The following OLFM4 variants were observed in gnomAD, a reference collection of about 807,000 sequenced individuals.
OLFM4 encodes the protein olfactomedin 4, also known as olfactomedin-4.
Under a neutral mutation model 25.5 loss-of-function variants are expected in OLFM4, and 22 were observed. The observed-to-expected ratio is 0.86, with a 90% CI of 0.62 to 1.23. The LOEUF (loss-of-function observed/expected upper bound fraction) is 1.23, where lower values mean the gene tolerates loss of function less well. Ranked by LOEUF, OLFM4 falls within the 50% of genes most tolerant of loss-of-function variation. OLFM4 has a pLI of 0.00. For missense variants in OLFM4, 594 were observed against 619.4 expected (o/e 0.96, Z 0.44); for synonymous variants, 255 against 237.7 (o/e 1.07, Z -0.67).
rs1249121087 is a variant in OLFM4, at chr13:53,051,145, T to C, written c.*374T>C. 1 of 173,162 alleles carries C rather than the reference T, an allele frequency of 5.8e-6. No homozygotes were observed. The highest frequency in any genetic ancestry group is 2.4e-5 in the African/African-American group (1 of 42,058). 10.7% of individuals were successfully genotyped at this position (173,162 alleles called of 1,614,324 possible). ...TGTACAGGAAATATTGCCCAATGAC[T>C]AGTCCTCATCCATGTAGCACCACTA... On this transcript the variant is annotated 3_prime_UTR_variant, in exon 5 of 5. Transcript: ENST00000219022.
chr13:53,029,231 G>A (rs1354757045), intron 1 of OLFM4, among the ~76,000 whole-genome samples, 191 bp downstream of exon 1: 3 of 152,150 alleles, frequency 2.0e-5, no homozygotes, highest in Non-Finnish European at 4.4e-5. Context: ...CAAGAGAGAC[G>A]ATATCGCAGT....
chr13:53,034,708 AT>A (rs1954648683), intron 2 of OLFM4, among the ~76,000 whole-genome samples: 2 of 152,276 alleles, frequency 1.3e-5, no homozygotes, highest in African/African-American at 4.8e-5. Context: ...TGGGGTTCAA[AT>A]TGTTCACGCC....
intron 3 of OLFM4, 92 bp downstream of exon 3, chr13:53,042,214 T>G: frequency 2.6e-5 from 27 of 1,045,078 alleles, no homozygotes; most frequent in African/African-American, 3.2e-5. Flanking sequence ...AAACTATCTC[T>G]TCCAACTTCT....
At chr13:53,037,897 C>A (rs1954666859) in intron 2 of OLFM4, among the ~76,000 whole-genome samples, 1 of 152,202 alleles carries the variant, frequency 6.6e-6, no homozygotes, top group Admixed American at 6.5e-5. Context: ...CTTGCTAGCA[C>A]TACACCCTTA....
chr13:53,042,975 T>A, intron 3 of OLFM4, 130 bp from the exon 4 acceptor site: 1 of 679,498 alleles, frequency 1.5e-6, no homozygotes, highest in Non-Finnish European at 2.4e-6. Flanking sequence ...TTCTTCCAAA[T>A]GAAACCATTC....
intron 4 of OLFM4, among the ~76,000 whole-genome samples, chr13:53,044,288 C>T (rs1954703675): frequency 3.3e-5 from 5 of 152,130 alleles, no homozygotes; most frequent in Admixed American, 3.3e-4. Flanking sequence ...GCCTCTCAGC[C>T]ACAGTGTTCA....
chr13:53,036,092 GA>G (rs1381696915), intron 2 of OLFM4, among the ~76,000 whole-genome samples: 45 of 152,274 alleles, frequency 3.0e-4, no homozygotes, highest in African/African-American at 1.1e-3. Context: ...CAAAAATTAT[GA>G]TGAGGCTGAG....
At chr13:53,029,072 A>G in intron 1 of OLFM4, 32 bp downstream of exon 1, 2 of 1,610,406 alleles carry the variant, frequency 1.2e-6, no homozygotes, top group Non-Finnish European at 8.5e-7. Flanking sequence ...AATGAGCTGC[A>G]TTCATTCCCT....
At chr13:53,039,082 T>G (rs1434740899) in intron 2 of OLFM4, among the ~76,000 whole-genome samples, 3 of 152,186 alleles carry the variant, frequency 2.0e-5, no homozygotes, top group Non-Finnish European at 4.4e-5. Context: ...CCTTGCTTTT[T>G]TTTGTGAAAA....
intron 1 of OLFM4, 68 bp downstream of exon 1, chr13:53,029,108 A>C: frequency 6.3e-7 from 1 of 1,595,220 alleles, no homozygotes; most frequent in Non-Finnish European, 8.5e-7. Flanking sequence ...GTACCTGAAT[A>C]CAATTTCATG....
intron 4 of OLFM4, among the ~76,000 whole-genome samples, chr13:53,043,530 C>T (rs1223514207): frequency 1.3e-5 from 2 of 152,122 alleles, no homozygotes; most frequent in African/African-American, 4.8e-5. Flanking sequence ...CACGTATTCT[C>T]TTTGCATTTT....
chr13:53,036,149 A>T (rs1566316400), intron 2 of OLFM4, among the ~76,000 whole-genome samples: 1 of 152,206 alleles, frequency 6.6e-6, no homozygotes, highest in Non-Finnish European at 1.5e-5. Flanking sequence ...CTAAGTTTAA[A>T]TGAGTGTCCA....
chr13:53,049,160 A>G (rs12427613), intron 4 of OLFM4, among the ~76,000 whole-genome samples: 12 of 152,290 alleles, frequency 7.9e-5, no homozygotes, highest in Admixed American at 7.2e-4. Flanking sequence ...ATGTCATTCT[A>G]TGGCACAATA....
rs578005027 is a variant in OLFM4, at chr13:53,048,285, T to C, written c.731-1684T>C. Among the ~76,000 whole-genome samples the C allele has an allele frequency of 1.1e-4, 16 of 152,330 alleles. 1 individual carries two copies. The East Asian group carries it at 2.9e-3, about 28-fold the overall frequency. On this transcript the variant is annotated intron_variant, in intron 4 of 4. Transcript: ENST00000219022. ...ACACGTTGCTTTTTTATTTATGAAA[T>C]GGCACATGCATTATTAAAATAAACC...
At chr13:53,039,383 G>T (rs563085842) in intron 2 of OLFM4, among the ~76,000 whole-genome samples, 3 of 152,136 alleles carry the variant, frequency 2.0e-5, no homozygotes, top group Non-Finnish European at 4.4e-5. Flanking sequence ...AGGGGGACTT[G>T]TTAGGTTTTA....
At chr13:53,034,216 T>G in intron 1 of OLFM4, 132 bp from the exon 2 acceptor site, 1 of 789,330 alleles carries the variant, frequency 1.3e-6, no homozygotes, top group Non-Finnish European at 2.0e-6. Flanking sequence ...GTTTCTATGA[T>G]TCTATTCATT....
Position 53,042,240 on chromosome 13 carries a change from C to T in OLFM4, c.570+118C>T, listed in dbSNP as rs1954691890. On this transcript the variant is annotated intron_variant, in intron 3 of 4. Transcript: ENST00000219022. ...TCCAACTTCTAATTCTCTACTGTCT[C>T]ATGGCCACATGGCATATCACTATGT... 8.8e-6 allele frequency: 7 copies of T among 799,416 alleles called. No individual in the cohort carries two copies. In the East Asian group the frequency reaches 1.6e-4, roughly 18 times the overall value. 49.5% of individuals were successfully genotyped at this position (799,416 alleles called of 1,614,324 possible). A position where few individuals can be genotyped will look rare whatever the true frequency, so the allele number is the denominator to read the frequency against.
At chr13:53,033,186 G>C (rs1226853750) in intron 1 of OLFM4, among the ~76,000 whole-genome samples, 1 of 152,102 alleles carries the variant, frequency 6.6e-6, no homozygotes, top group Non-Finnish European at 1.5e-5. Context: ...TCTTTCAAAA[G>C]TGTCATTTAA....
chr13:53,038,263 A>G (rs1954669824), intron 2 of OLFM4, among the ~76,000 whole-genome samples: 1 of 152,024 alleles, frequency 6.6e-6, no homozygotes, highest in Non-Finnish European at 1.5e-5. Context: ...CACCACCACT[A>G]CCGCCCTCCC....
Sources: allele counts gnomAD v4.1 joint callset (sites outside exome capture counted in the v4.1 genomes callset), GRCh38; gene constraint gnomAD v4.1.1; transcripts MANE v1.5; gene names NCBI Gene and HGNC (gene_info 2026-07-23, HGNC 2026-07-21).